Variants in R3HDM1 observed in about 807,000 individuals in gnomAD.
R3HDM1 encodes the protein R3H domain-containing protein 1.
A neutral mutation model predicts 141.1 loss-of-function variants in R3HDM1; 46 were observed. The observed-to-expected ratio is 0.33, with a 90% CI of 0.26 to 0.42. The LOEUF (loss-of-function observed/expected upper bound fraction) is 0.42, where lower values mean the gene tolerates loss of function less well. R3HDM1 is among the 10% of genes least tolerant of loss of function. The probability of loss-of-function intolerance (pLI) is 1.00; values close to 1 mark genes in which losing one functional copy is unlikely to be tolerated. For synonymous variants in R3HDM1, 435 were observed against 472.9 expected (o/e 0.92, Z 1.04); for missense variants, 1,184 against 1,368.3 (o/e 0.87, Z 2.12).
intron 21 of R3HDM1, among the ~76,000 whole-genome samples, chr2:135,689,346 T>C (rs1559442843): frequency 1.3e-5 from 2 of 152,224 alleles, no homozygotes; most frequent in Non-Finnish European, 2.9e-5. Context: ...TTACTACATA[T>C]CAACAAGTTT....
At chr2:135,704,477 CT>C (rs35704564) in intron 21 of R3HDM1, among the ~76,000 whole-genome samples, 105,473 of 131,414 alleles carry the variant, frequency 0.8, 44,098 homozygotes, top group Non-Finnish European at 0.94. Flanking sequence ...TGCATGCATG[CT>C]TTTTTTTTTT....
rs2065195141 is a variant in R3HDM1 at position 135,651,945 on chromosome 2, C to A, written c.1941C>A (p.Val647=). 6.2e-7 allele frequency: 1 copy of A among 1,613,784 alleles called. No homozygotes were observed. ...PPPPLPPGQP[V]PTAGYPASGH... is the part of the protein sequence containing the mutation. ...CTCCCCTACCACCTGGGCAGCCAGT[C>A]CCTACTGCTGGATATCCTGCCTCTG... The change falls in exon 18 of 27, where the codon GTC becomes GTA. Residue 647 remains valine, a synonymous_variant. Transcript: ENST00000683871.
chr2:135,708,011 TATATAA>T (rs763315775), intron 21 of R3HDM1, among the ~76,000 whole-genome samples: 50 of 152,182 alleles, frequency 3.3e-4, no homozygotes, highest in African/African-American at 8.7e-4. Context: ...TCTGTAAACA[TATATAA>T]ATATAAACAG....
intron 21 of R3HDM1, among the ~76,000 whole-genome samples, chr2:135,696,441 G>A (rs1029868118): frequency 6.6e-6 from 1 of 152,028 alleles, no homozygotes; most frequent in Admixed American, 6.6e-5. Context: ...TATACTTTAT[G>A]TGTGGTTTAT....
chr2:135,630,787 C>T (rs147160541), intron 7 of R3HDM1, among the ~76,000 whole-genome samples: 101 of 151,952 alleles, frequency 6.6e-4, no homozygotes, highest in African/African-American at 2.3e-3. Context: ...CTGCTTTTAG[C>T]TTTAAGTTTC....
Position 135,577,189 on chromosome 2 carries a change from C to G in R3HDM1, c.-249-25311C>G, listed in dbSNP as rs182181479. The G allele has an allele frequency of 2.2e-5, 22 of 983,218 alleles. No homozygotes were observed. In the African/African-American group the frequency reaches 3.0e-4, roughly 13 times the overall value. The allele number at this position is 983,218 out of a possible 1,614,324, so 60.9% of individuals were successfully genotyped here. A position where few individuals can be genotyped will look rare whatever the true frequency, so the allele number is the denominator to read the frequency against. On this transcript the variant is annotated intron_variant, in intron 1 of 26. Transcript: ENST00000683871. The stretch of plus-strand genomic sequence containing the variant: ...GCTATGACTCAAAATGCAGAGACAA[C>G]CAAAGATTGACAAATACGTCTATAT...
intron 21 of R3HDM1, among the ~76,000 whole-genome samples, chr2:135,693,516 T>C (rs1232159455): frequency 6.6e-6 from 1 of 152,090 alleles, no homozygotes; most frequent in African/African-American, 2.4e-5. Flanking sequence ...TTAAAGGGAA[T>C]AAAAAACACT....
At chr2:135,680,560 A>C (rs2070105840) in intron 21 of R3HDM1, among the ~76,000 whole-genome samples, 1 of 152,252 alleles carries the variant, frequency 6.6e-6, no homozygotes, top group Non-Finnish European at 1.5e-5. Context: ...ACCTGAGGTC[A>C]GGCATTCAAA....
chr2:135,718,674 G>T (rs1037316514), intron 24 of R3HDM1, among the ~76,000 whole-genome samples: 1 of 151,980 alleles, frequency 6.6e-6, no homozygotes, highest in Non-Finnish European at 1.5e-5. Flanking sequence ...TAGAGACAGG[G>T]TTTCACCATG....
At chr2:135,712,204 T>C (rs1269755554) in intron 23 of R3HDM1, among the ~76,000 whole-genome samples, 1 of 152,094 alleles carries the variant, frequency 6.6e-6, no homozygotes, top group Non-Finnish European at 1.5e-5. Context: ...GAGAAAAGGT[T>C]ACCCTCTGAC....
At chr2:135,639,263 T>C in intron 14 of R3HDM1, 141 bp downstream of exon 14, 1 of 713,838 alleles carries the variant, frequency 1.4e-6, no homozygotes. Flanking sequence ...TCCGGAGCAC[T>C]TAAGGGGTAA....
intron 21 of R3HDM1, among the ~76,000 whole-genome samples, chr2:135,693,184 G>A (rs1477394594): frequency 1.3e-5 from 2 of 152,212 alleles, no homozygotes; most frequent in Non-Finnish European, 2.9e-5. Flanking sequence ...TTGGGTGGCA[G>A]ATAACATTTT....
intron 1 of R3HDM1, among the ~76,000 whole-genome samples, chr2:135,546,952 A>G (rs546744225): frequency 1.2e-4 from 19 of 152,286 alleles, no homozygotes; most frequent in Admixed American, 6.5e-4. Flanking sequence ...GATTACAGCC[A>G]TGAGCCACCG....
At chr2:135,599,927 A>AG (rs945604399) in intron 1 of R3HDM1, among the ~76,000 whole-genome samples, 2 of 151,900 alleles carry the variant, frequency 1.3e-5, no homozygotes, top group African/African-American at 4.8e-5. Flanking sequence ...GCAGTTACTC[A>AG]GGAGGCCGGA....
chr2:135,631,597 G>T, intron 7 of R3HDM1, 121 bp from the exon 8 acceptor site: 1 of 659,932 alleles, frequency 1.5e-6, no homozygotes, highest in South Asian at 3.0e-5. Context: ...CAAGATTGGG[G>T]TAATACTGAA....
intron 5 of R3HDM1, chr2:135,619,689 A>G (rs1250822281): frequency 1.1e-6 from 1 of 922,760 alleles, no homozygotes; most frequent in Non-Finnish European, 1.3e-6. Flanking sequence ...CATGAAAGGT[A>G]CTAGTATCTA....
intron 21 of R3HDM1, among the ~76,000 whole-genome samples, chr2:135,691,030 T>C (rs1328222523): frequency 6.6e-6 from 1 of 152,214 alleles, no homozygotes; most frequent in Non-Finnish European, 1.5e-5. Context: ...TTTTGAAAAA[T>C]ACTTCTCTTA....
chr2:135,603,696 C>CTT (rs976306843), intron 2 of R3HDM1, among the ~76,000 whole-genome samples: 1 of 152,202 alleles, frequency 6.6e-6, no homozygotes, highest in Admixed American at 6.5e-5. Context: ...GAACACACGC[C>CTT]TTTTGGCTTC....
At chr2:135,541,461 G>A (rs1430465769) in intron 1 of R3HDM1, among the ~76,000 whole-genome samples, 1 of 152,126 alleles carries the variant, frequency 6.6e-6, no homozygotes, top group Non-Finnish European at 1.5e-5. Flanking sequence ...GCCTGCCTCT[G>A]CCTCCCAAAG....
Sources: allele counts gnomAD v4.1 joint callset (sites outside exome capture counted in the v4.1 genomes callset), GRCh38; gene constraint gnomAD v4.1.1; transcripts MANE v1.5; gene names NCBI Gene and HGNC (gene_info 2026-07-23, HGNC 2026-07-21).